ADGRE3: variants seen among roughly 807,000 people sequenced by gnomAD.
ADGRE3 encodes EGF-like module receptor 3.
Under a neutral mutation model 80.1 loss-of-function variants are expected in ADGRE3, and 88 were observed. The ratio of observed to expected loss-of-function variants is 1.10; its 90% CI spans 0.93 to 1.31. ADGRE3 has a LOEUF of 1.31. Ranked by LOEUF, ADGRE3 falls within the 40% of genes most tolerant of loss-of-function variation. The pLI is 0.00. For missense variants in ADGRE3, 715 were observed against 776.5 expected, an observed-to-expected ratio of 0.92 and a Z score of 0.94; for synonymous variants, 281 against 294.8, an observed-to-expected ratio of 0.95 and a Z score of 0.48.
At position 14,655,258 on chromosome 19, in the gene ADGRE3, C is replaced by T. The variant is rs1044534007; in HGVS notation, c.394-93G>A. 5.3e-6 allele frequency: 6 copies of T among 1,124,502 alleles called. No individual in the cohort carries two copies. In the African/African-American group the frequency reaches 9.5e-5, roughly 18 times the overall value. 69.7% of individuals were successfully genotyped at this position (1,124,502 alleles called of 1,614,324 possible). A position where few individuals can be genotyped will look rare whatever the true frequency, so the allele number is the denominator to read the frequency against. On this transcript the variant is annotated intron_variant, in intron 5 of 15. Coordinates refer to ENST00000253673, the MANE Select transcript of ADGRE3 (RefSeq NM_032571.5). ...AGTAGAAAGCATGAGAAAGCAGGCT[C>T]TGGAGCTGGAGGAACCACGTTCAAA...
intron 5 of ADGRE3, among the ~76,000 whole-genome samples, chr19:14,655,843 G>A (rs935345737): frequency 2.6e-5 from 4 of 151,956 alleles, no homozygotes; most frequent in African/African-American, 9.7e-5. Context: ...CAACGGGGGG[G>A]TGATTCTGCT....
At chr19:14,670,467 A>G (rs777444225) in intron 1 of ADGRE3, among the ~76,000 whole-genome samples, 3 of 152,212 alleles carry the variant, frequency 2.0e-5, no homozygotes, top group Non-Finnish European at 4.4e-5. Context: ...CTTCCTCCTT[A>G]TGAGAGACCA....
chr19:14,630,897 A>AT (rs879654838), intron 13 of ADGRE3, among the ~76,000 whole-genome samples: 18 of 150,950 alleles, frequency 1.2e-4, no homozygotes, highest in African/African-American at 2.7e-4. Context: ...GGGTCATATA[A>AT]TTTTTTTTGT....
At chr19:14,636,879 AGGTCAGGAGTTCAAGACCAGCCT>A in intron 11 of ADGRE3, among the ~76,000 whole-genome samples, 1 of 152,186 alleles carries the variant, frequency 6.6e-6, no homozygotes, top group Admixed American at 6.5e-5. Flanking sequence ...GGATCACCTG[AGGTCAGGAGTTCAAGACCAGCCT>A]GGTCAACATG....
At position 14,633,192 on chromosome 19, in the gene ADGRE3, T is replaced by C. The variant is rs529453654; in HGVS notation, c.1551+44A>G. 27 of 1,558,834 alleles carry C rather than the reference T, an allele frequency of 1.7e-5. No homozygotes were observed. In the African/African-American group the frequency reaches 3.0e-4, roughly 17 times the overall value. On this transcript the variant is annotated intron_variant, in intron 12 of 15. Transcript: ENST00000253673. ...TGTACCATCTTGTACCCAGCACTTC[T>C]CTTGGTTCTTCCTAGTTTGGGAACA...
In ADGRE3 at chr19:14,655,033, C is replaced by G. The variant is rs756002517; in HGVS notation, c.526G>C (p.Ala176Pro). The change falls in exon 6 of 16, where the codon GCC becomes CCC. Residue 176 changes from alanine (A) to proline (P), a missense_variant. By Grantham distance (27) the Ala-to-Pro change is conservative (BLOSUM62 -1). Coordinates refer to ENST00000253673, the MANE Select transcript of ADGRE3 (RefSeq NM_032571.5). Reference sequence around the variant, plus strand: ...ACTTTTTGTTCTGGATCTTTCAAGGCAGTTTCTAGAACTTTCGATTCCACA... The same window carrying G: ...ACTTTTTGTTCTGGATCTTTCAAGGGAGTTTCTAGAACTTTCGATTCCACA... ...RDVESKVLET[A>P]LKDPEQKVLK... is the part of the protein sequence containing the mutation. 1 of 1,614,054 alleles carries G rather than the reference C, an allele frequency of 6.2e-7. No homozygotes were observed. The highest frequency in any genetic ancestry group is 1.1e-5 in the South Asian group (1 of 91,074).
At position 14,636,012 on chromosome 19, in the gene ADGRE3, TCTTC is replaced by T. The variant is rs1169075414; in HGVS notation, c.1484+2089_1484+2092del. Among the ~76,000 whole-genome samples, 283 of 99,142 alleles carry T rather than the reference TCTTC, an allele frequency of 2.9e-3. 6 individuals carry two copies. The highest frequency in any genetic ancestry group is 7.2e-3 in the African/African-American group (183 of 25,470). 65.0% of individuals were successfully genotyped at this position (99,142 alleles called of 152,430 possible). A position where few individuals can be genotyped will look rare whatever the true frequency, so the allele number is the denominator to read the frequency against. On this transcript the variant is annotated intron_variant, in intron 11 of 15. Transcript: ENST00000253673. Reference sequence around the variant, plus strand: ...TCCTTTCTCTCTCTTTCTCTTTCTTTCTTCCTTCCTTCCTTCCTTCCTTCCTTCC... The same window carrying T: ...TCCTTTCTCTCTCTTTCTCTTTCTTTCTTCCTTCCTTCCTTCCTTCCTTCC...
intron 7 of ADGRE3, among the ~76,000 whole-genome samples, chr19:14,647,714 G>A (rs749009061): frequency 6.0e-5 from 9 of 151,124 alleles, no homozygotes; most frequent in Non-Finnish European, 1.2e-4. Flanking sequence ...CACCATGCCC[G>A]GTCTGCCGTT....
the ADGRE3 span, among the ~76,000 whole-genome samples, chr19:14,612,194 T>C: frequency 6.6e-6 from 1 of 152,136 alleles, no homozygotes; most frequent in South Asian, 2.1e-4. Flanking sequence ...TTTCTCACAG[T>C]TCCGGAGGCT....
At chr19:14,665,440 G>A (rs929646529) in intron 2 of ADGRE3, among the ~76,000 whole-genome samples, 3 of 151,748 alleles carry the variant, frequency 2.0e-5, no homozygotes, top group African/African-American at 4.8e-5. Flanking sequence ...CTGAAACAAG[G>A]GTGCAATTGA....
chr19:14,613,817 C>G, the ADGRE3 span, among the ~76,000 whole-genome samples: 1 of 151,910 alleles, frequency 6.6e-6, no homozygotes, highest in Non-Finnish European at 1.5e-5. Flanking sequence ...TCCTGAGTAG[C>G]TGGGATTACA....
Position 14,647,350 on chromosome 19 carries a change from G to T in ADGRE3, c.713C>A (p.Ala238Asp). ...TCCAAGAGAAGAATATGAGATAAAG[G>T]CAATGGCACTGGGACCTGAGGAAAC... Reference protein sequence around the residue: ...QGDTQGPSAIAFISYSSLGNI... With the variant: ...QGDTQGPSAIDFISYSSLGNI... The change falls in exon 8 of 16, where the codon GCC (alanine) becomes GAC (aspartate). Residue 238 changes from alanine (A) to aspartate (D), a missense_variant. By Grantham distance (126) the Ala-to-Asp change is moderately radical. Transcript: ENST00000253673. 6.2e-7 allele frequency: 1 copy of T among 1,608,300 alleles called. No individual in the cohort carries two copies. The highest frequency in any genetic ancestry group is 8.5e-7 in the Non-Finnish European group (1 of 1,175,120).
chr19:14,647,510 G>A (rs1337043374), intron 7 of ADGRE3, 145 bp from the exon 8 acceptor site: 22 of 595,660 alleles, frequency 3.7e-5, no homozygotes, highest in Admixed American at 6.4e-5. Context: ...TCCGCCTCCC[G>A]GGTTCAAGTG....
the ADGRE3 span, among the ~76,000 whole-genome samples, chr19:14,608,558 T>G: frequency 6.6e-6 from 1 of 151,812 alleles, no homozygotes; most frequent in Middle Eastern, 3.4e-3. Context: ...TTCGTAAAAC[T>G]GCTGAAATAT....
intron 2 of ADGRE3, 135 bp from the exon 3 acceptor site, chr19:14,663,675 C>T: frequency 9.4e-7 from 1 of 1,061,136 alleles, no homozygotes; most frequent in Non-Finnish European, 1.3e-6. Context: ...CCCATTTCTA[C>T]TAAAAATACC....
chr19:14,636,408 T>C (rs954712761), intron 11 of ADGRE3, among the ~76,000 whole-genome samples: 3 of 151,310 alleles, frequency 2.0e-5, no homozygotes, highest in African/African-American at 7.3e-5. Flanking sequence ...GGTTTTCACA[T>C]GTGGGCCAGG....
the ADGRE3 span, chr19:14,610,344 A>AG: frequency 7.2e-6 from 8 of 1,107,210 alleles, no homozygotes; most frequent in Non-Finnish European, 1.0e-5. Flanking sequence ...GCAAGTTCCC[A>AG]GGGGTGCAAG....
At chr19:14,646,487 A>G (rs1481975456) in intron 8 of ADGRE3, among the ~76,000 whole-genome samples, 1 of 150,924 alleles carries the variant, frequency 6.6e-6, no homozygotes, top group Non-Finnish European at 1.5e-5. Context: ...TATGGGATAC[A>G]GTGTGATTTA....
In ADGRE3 at chr19:14,636,075, C is replaced by CTTTCTTT. The variant is rs1267579172; in HGVS notation, c.1484+2029_1484+2030insAAAGAAA. On this transcript the variant is annotated intron_variant, in intron 11 of 15. Transcript: ENST00000253673. Reference sequence around the variant, plus strand: ...TTCCTTCCTTCCTTTCCTTTCCTTTCCTTTCCCTTTCTTTCTTTCTTTCTT... The same window carrying CTTTCTTT: ...TTCCTTCCTTCCTTTCCTTTCCTTTCTTTCTTTCTTTCCCTTTCTTTCTTTCTTTCTT... Among the ~76,000 whole-genome samples, 10 of 70,592 alleles carry CTTTCTTT rather than the reference C, an allele frequency of 1.4e-4. 2 individuals are homozygous for CTTTCTTT. Among genetic ancestry groups the CTTTCTTT allele is most frequent in the Non-Finnish European group, 2.8e-4 (10 of 36,112 alleles). The allele number at this position is 70,592 out of a possible 152,430, so 46.3% of individuals were successfully genotyped here. A position where few individuals can be genotyped will look rare whatever the true frequency, so the allele number is the denominator to read the frequency against.
Sources: allele counts gnomAD v4.1 joint callset (sites outside exome capture counted in the v4.1 genomes callset), GRCh38; gene constraint gnomAD v4.1.1; transcripts MANE v1.5; gene names NCBI Gene and HGNC (gene_info 2026-07-23, HGNC 2026-07-21).